Variants in JARID2 observed in about 807,000 individuals in gnomAD.
The protein encoded by JARID2 is protein Jumonji.
Under a neutral mutation model 125.6 loss-of-function variants are expected in JARID2, and 21 were observed. That is an observed-to-expected ratio of 0.17 (90% CI 0.12 to 0.24). The LOEUF (loss-of-function observed/expected upper bound fraction) is 0.24, where lower values mean the gene tolerates loss of function less well. JARID2 is among the 10% of genes least tolerant of loss of function. JARID2 has a pLI of 1.00. For synonymous variants in JARID2, 736 were observed against 661.6 expected (o/e 1.11, Z -1.73); for missense variants, 1,303 against 1,639.6 (o/e 0.79, Z 3.55).
intron 4 of JARID2, among the ~76,000 whole-genome samples, chr6:15,456,878 C>CTT (rs71535043): frequency 0.34 from 32,523 of 95,254 alleles, 6,731 homozygotes; most frequent in South Asian, 0.42. Context: ...GGATGTTAAG[C>CTT]TTTTTTTTTT....
chr6:15,518,268 C>T (rs530332003), intron 17 of JARID2, among the ~76,000 whole-genome samples: 1 of 152,298 alleles, frequency 6.6e-6, no homozygotes, highest in African/African-American at 2.4e-5. Context: ...GGAAAGCGCT[C>T]TGTGAATCAT....
At chr6:15,304,318 C>CCG (rs398000593) in intron 1 of JARID2, among the ~76,000 whole-genome samples, 1 of 90,936 alleles carries the variant, frequency 1.1e-5, no homozygotes, top group African/African-American at 3.9e-5. Flanking sequence ...CCCCCCCCCC[C>CCG]GCCCACCCAC....
chr6:15,275,247 G>GCTGGAAAACTTTGTC (rs1341503834), intron 1 of JARID2, among the ~76,000 whole-genome samples: 1 of 152,170 alleles, frequency 6.6e-6, no homozygotes, highest in Non-Finnish European at 1.5e-5. Context: ...ACAGGAATGA[G>GCTGGAAAACTTTGTC]CTGGAAAACT....
chr6:15,416,626 G>A (rs1766231647), intron 3 of JARID2, among the ~76,000 whole-genome samples: 1 of 151,676 alleles, frequency 6.6e-6, no homozygotes, highest in South Asian at 2.1e-4. Context: ...GCAGTGAGCC[G>A]AGATGGCAGC....
intron 1 of JARID2, among the ~76,000 whole-genome samples, chr6:15,262,236 T>G (rs978795590): frequency 6.6e-6 from 1 of 151,926 alleles, no homozygotes; most frequent in African/African-American, 2.4e-5. Flanking sequence ...CGGTGGGTCT[T>G]AAACTCCTGG....
intron 1 of JARID2, among the ~76,000 whole-genome samples, chr6:15,363,741 C>T (rs1002528088): frequency 9.2e-5 from 14 of 152,130 alleles, no homozygotes; most frequent in Non-Finnish European, 1.3e-4. Context: ...TGTGCCCTGT[C>T]GCTTGGTGGA....
intron 1 of JARID2, among the ~76,000 whole-genome samples, chr6:15,285,104 G>A (rs903345868): frequency 4.6e-5 from 6 of 131,786 alleles, no homozygotes; most frequent in African/African-American, 2.0e-4. Context: ...GAGTCTTTCT[G>A]GGTTTTTTTT....
chr6:15,520,055 T>G lies in JARID2; in HGVS notation c.3559-14T>G. The G allele has an allele frequency of 6.2e-7, 1 of 1,605,982 alleles. No individual in the cohort carries two copies. Among genetic ancestry groups the G allele is most frequent in the Non-Finnish European group, 8.5e-7 (1 of 1,176,160 alleles). Reference sequence around the variant, plus strand: ...ACGGTATGTTAACTGTGTCTTCCTTTCACCCCCAAACAGGAACAGATTATC... The same window carrying G: ...ACGGTATGTTAACTGTGTCTTCCTTGCACCCCCAAACAGGAACAGATTATC... On this transcript the variant is annotated splice_polypyrimidine_tract_variant and intron_variant, in intron 17 of 17. Coordinates refer to ENST00000341776, the MANE Select transcript of JARID2 (RefSeq NM_004973.4).
chr6:15,510,576 G>GC (rs1771228354), intron 12 of JARID2, among the ~76,000 whole-genome samples: 1 of 152,170 alleles, frequency 6.6e-6, no homozygotes, highest in African/African-American at 2.4e-5. Flanking sequence ...ACTTCCCCAG[G>GC]CCACCCTCTG....
At chr6:15,423,898 T>TC (rs1284656596) in intron 3 of JARID2, among the ~76,000 whole-genome samples, 1 of 152,136 alleles carries the variant, frequency 6.6e-6, no homozygotes, top group Non-Finnish European at 1.5e-5. Flanking sequence ...AGGTGCCCTG[T>TC]CTTTGGGTGG....
intron 3 of JARID2, among the ~76,000 whole-genome samples, chr6:15,449,852 G>A (rs184747647): frequency 1.4e-4 from 22 of 152,208 alleles, no homozygotes; most frequent in African/African-American, 5.3e-4. Flanking sequence ...GGGGAGACAA[G>A]AGTAGACACT....
chr6:15,465,266 A>C (rs1419011420), intron 4 of JARID2, among the ~76,000 whole-genome samples: 1 of 152,134 alleles, frequency 6.6e-6, no homozygotes, highest in African/African-American at 2.4e-5. Context: ...AAGCCTCGGC[A>C]ATGTAGCGAG....
intron 1 of JARID2, among the ~76,000 whole-genome samples, chr6:15,291,078 T>TA (rs556177867): frequency 5.3e-5 from 8 of 151,806 alleles, no homozygotes; most frequent in South Asian, 2.1e-4. Flanking sequence ...CACCAAAAAT[T>TA]AAAAAAAATT....
chr6:15,433,900 C>G (rs1767080300), intron 3 of JARID2, among the ~76,000 whole-genome samples: 1 of 147,648 alleles, frequency 6.8e-6, no homozygotes, highest in Admixed American at 6.8e-5. Context: ...AAGAGTTTTT[C>G]CAGTAGCCCT....
intron 2 of JARID2, among the ~76,000 whole-genome samples, chr6:15,380,446 A>G (rs1016363384): frequency 6.6e-6 from 1 of 152,238 alleles, no homozygotes; most frequent in Admixed American, 6.5e-5. Flanking sequence ...GATAGAGGGT[A>G]TCAAAAATGT....
chr6:15,446,492 C>T (rs568340459), intron 3 of JARID2, among the ~76,000 whole-genome samples: 16 of 152,308 alleles, frequency 1.1e-4, no homozygotes, highest in Admixed American at 4.6e-4. Flanking sequence ...GATGAGAAGC[C>T]GCCAGGCATG....
At position 15,269,005 on chromosome 6, in the gene JARID2, G is replaced by T. The variant is rs77406821; in HGVS notation, c.45+22421G>T. ...TAGGAAATGCCAGTGCCTGTTTCTCGTTAGGAAATTTAAAGGCCTACTTGT... is the reference window on the plus strand; with the variant it reads ...TAGGAAATGCCAGTGCCTGTTTCTCTTTAGGAAATTTAAAGGCCTACTTGT... On this transcript the variant is annotated intron_variant, in intron 1 of 17. Coordinates refer to ENST00000341776, the MANE Select transcript of JARID2 (RefSeq NM_004973.4). 5.3e-3 allele frequency among the ~76,000 whole-genome samples: 805 copies of T among 152,268 alleles called. 5 individuals carry two copies. The highest frequency in any genetic ancestry group is 0.01 in the Non-Finnish European group (682 of 68,024).
chr6:15,378,002 AG>A (rs1017948812), intron 2 of JARID2, among the ~76,000 whole-genome samples: 3 of 150,772 alleles, frequency 2.0e-5, no homozygotes, highest in African/African-American at 7.3e-5. Context: ...GTCCTGCCTC[AG>A]CCCCCAGAGT....
At chr6:15,482,156 C>G (rs1243764419) in intron 5 of JARID2, among the ~76,000 whole-genome samples, 1 of 152,214 alleles carries the variant, frequency 6.6e-6, no homozygotes, top group African/African-American at 2.4e-5. Context: ...AGCAACTGGC[C>G]TTGCCCTGCC....
Sources: gnomAD v4.1 joint callset for allele counts (sites outside exome capture counted in the v4.1 genomes callset) on GRCh38, gnomAD v4.1.1 for gene constraint, MANE v1.5 for transcripts, NCBI Gene and HGNC (gene_info 2026-07-23, HGNC 2026-07-21) for gene names.